Variants in ESRP1 observed in about 807,000 individuals in gnomAD.
The protein encoded by ESRP1 is RNA-binding motif protein 35A.
Under a neutral mutation model 81.7 loss-of-function variants are expected in ESRP1, and 33 were observed. The ratio of observed to expected loss-of-function variants is 0.40; its 90% confidence interval spans 0.31 to 0.54. The LOEUF (loss-of-function observed/expected upper bound fraction) is 0.54. ESRP1 is among the 20% of genes least tolerant of loss of function. The pLI, the probability that ESRP1 is intolerant of heterozygous loss-of-function variation, is 0.41. For missense variants in ESRP1, 672 were observed against 833.1 expected (o/e 0.81, Z 2.38); for synonymous variants, 320 against 303.3 (o/e 1.06, Z -0.57).
intron 12 of ESRP1, among the ~76,000 whole-genome samples, chr8:94,675,087 T>G (rs1263287988): frequency 1.3e-5 from 2 of 152,248 alleles, no homozygotes; most frequent in Non-Finnish European, 2.9e-5. Flanking sequence ...GGATCAGTGC[T>G]TAATTTTAAG....
chr8:94,670,534 T>C (rs1025897648), intron 10 of ESRP1, among the ~76,000 whole-genome samples: 7 of 152,220 alleles, frequency 4.6e-5, no homozygotes, highest in African/African-American at 1.2e-4. Context: ...TTGATTCTTC[T>C]ATATTGTCAA....
intron 1 of ESRP1, 130 bp from the exon 2 acceptor site, chr8:94,641,826 C>G (rs1201937677): frequency 7.1e-6 from 10 of 1,417,892 alleles, no homozygotes; most frequent in Non-Finnish European, 9.4e-6. Flanking sequence ...GATGGCGAGT[C>G]GAGAGCTTTG....
chr8:94,668,254 G>T lies in ESRP1; in HGVS notation c.1233+4G>T. On this transcript the variant is annotated splice_donor_region_variant and intron_variant, in intron 10 of 15. Transcript: ENST00000433389. ...CACAGCAGCTGAAGTTCAGCAGGTT[G>T]GTTTTAAAAACAAGTATGTTGTACC... The T allele has an allele frequency of 6.4e-7, 1 of 1,566,820 alleles. No homozygotes were observed.
At chr8:94,681,063 C>T (rs112841261) in intron 13 of ESRP1, among the ~76,000 whole-genome samples, 2,872 of 151,632 alleles carry the variant, frequency 0.019, 82 homozygotes, top group African/African-American at 0.064. Context: ...CTGTGGCTCA[C>T]GCCTGTAATC....
chr8:94,696,904 C>T lies in ESRP1; in HGVS notation c.2024C>T (p.Pro675Leu), dbSNP rs1306194590. The change falls in exon 15 of 16, where the codon CCC becomes CTC. Residue 675 changes from proline (P) to leucine (L), a missense_variant. By Grantham distance (98) the Pro-to-Leu change is moderately conservative. Coordinates refer to ENST00000433389, the MANE Select transcript of ESRP1 (RefSeq NM_017697.4). ...ACAAATGACCAGGCCAGGACTCTAC[C>T]CAAAGAATGGGTTTGTATTTAAGGG... Reference protein sequence around the residue: ...IHTNDQARTLPKEWVCI With the variant: ...IHTNDQARTLLKEWVCI 2.5e-6 allele frequency: 4 copies of T among 1,593,410 alleles called. No individual in the cohort carries two copies. The highest frequency in any genetic ancestry group is 3.4e-6 in the Non-Finnish European group (4 of 1,169,220).
intron 10 of ESRP1, 70 bp from the exon 11 acceptor site, chr8:94,671,383 C>G (rs962621178): frequency 1.5e-6 from 2 of 1,316,768 alleles, no homozygotes; most frequent in Non-Finnish European, 2.1e-6. Context: ...CCCAGTGATG[C>G]CATTGCTGAT....
Position 94,641,998 on chromosome 8 carries a change from G to A in ESRP1, c.175G>A (p.Glu59Lys). 1 of 1,614,034 alleles carries A rather than the reference G, an allele frequency of 6.2e-7. No individual in the cohort carries two copies. The highest frequency in any genetic ancestry group is 1.1e-5 in the South Asian group (1 of 91,082). ...AGTGCTAGTTAGACCGGATCAGTTGGAACTGACGGAGGACTGCAAAGAAGA... is the reference window on the plus strand; with the variant it reads ...AGTGCTAGTTAGACCGGATCAGTTGAAACTGACGGAGGACTGCAAAGAAGA... ...HEVLVRPDQL[E>K]LTEDCKEETK... Residue 59 changes from glutamate (E) to lysine (K), a missense_variant, in exon 2 of 16, where the codon GAA becomes AAA. Transcript: ENST00000433389.
At chr8:94,651,434 G>C (rs139059489) in intron 4 of ESRP1, among the ~76,000 whole-genome samples, 2 of 152,136 alleles carry the variant, frequency 1.3e-5, no homozygotes, top group East Asian at 3.9e-4. Context: ...TAAAACCCAA[G>C]TTGTAGAGTC....
rs1563548848 is a variant in ESRP1, at chr8:94,695,363, T to TC, written c.1972-1489_1972-1488insC. Among the ~76,000 whole-genome samples the TC allele has an allele frequency of 9.8e-3, 789 of 80,670 alleles. 10 individuals are homozygous for TC. Among genetic ancestry groups the TC allele is most frequent in the African/African-American group, 0.034 (759 of 22,052 alleles). The allele number at this position is 80,670 out of a possible 152,430, so 52.9% of individuals were successfully genotyped here. A position where few individuals can be genotyped will look rare whatever the true frequency, so the allele number is the denominator to read the frequency against. Reference sequence around the variant, plus strand: ...CTTTTTCTTTCTTTTTTTTTTTTTTTTTTTTTTTTGAGACGGAGTCTCACT... The same window carrying TC: ...CTTTTTCTTTCTTTTTTTTTTTTTTTCTTTTTTTTTGAGACGGAGTCTCACT... On this transcript the variant is annotated intron_variant, in intron 14 of 15. Transcript: ENST00000433389.
At chr8:94,674,264 G>A in intron 11 of ESRP1, 44 bp from the exon 12 acceptor site, 1 of 1,579,494 alleles carries the variant, frequency 6.3e-7, no homozygotes, top group Non-Finnish European at 8.6e-7. Context: ...CCTTGTTGAA[G>A]GAGACAGTCT....
At chr8:94,656,998 T>C (rs921953777) in intron 4 of ESRP1, among the ~76,000 whole-genome samples, 27 of 152,236 alleles carry the variant, frequency 1.8e-4, no homozygotes, top group Non-Finnish European at 3.5e-4. Flanking sequence ...CCTCAGCTAA[T>C]GTAAGTGTGG....
chr8:94,647,141 T>C (rs1192100236), intron 4 of ESRP1, among the ~76,000 whole-genome samples: 1 of 152,220 alleles, frequency 6.6e-6, no homozygotes, highest in African/African-American at 2.4e-5. Flanking sequence ...TCACGATTTT[T>C]TTTCCTGATT....
chr8:94,648,960 C>A (rs1817975550), intron 4 of ESRP1, among the ~76,000 whole-genome samples: 1 of 152,172 alleles, frequency 6.6e-6, no homozygotes, highest in South Asian at 2.1e-4. Flanking sequence ...GTGGCTCATG[C>A]CTGTAATCCC....
At chr8:94,661,318 A>G (rs1217810884) in intron 4 of ESRP1, among the ~76,000 whole-genome samples, 2 of 152,214 alleles carry the variant, frequency 1.3e-5, no homozygotes, top group Non-Finnish European at 2.9e-5. Flanking sequence ...CTGGGATTAC[A>G]GGTGTGAGTC....
rs138083954 is a variant in ESRP1, at chr8:94,648,984, G to A, written c.490+2702G>A. ...GCCTGTAATCCCAGCACTTTGGGAG[G>A]CCGAGGCAGGTGGATCACTTGAGTT... On this transcript the variant is annotated intron_variant, in intron 4 of 15. Transcript: ENST00000433389. Among the ~76,000 whole-genome samples, 734 of 152,330 alleles carry A rather than the reference G, an allele frequency of 4.8e-3. 4 individuals carry two copies. Among genetic ancestry groups the A allele is most frequent in the African/African-American group, 0.017 (698 of 41,564 alleles).
At position 94,692,558 on chromosome 8, in the gene ESRP1, T is replaced by C. The variant is rs1563547201; in HGVS notation, c.1821-119T>C. On this transcript the variant is annotated intron_variant, in intron 13 of 15. Transcript: ENST00000433389. The stretch of plus-strand genomic sequence containing the variant: ...TCACCTGTCTTAGGAAAGACAGCTC[T>C]GAGAAGTATAAGAAAGGTTGCCTTG... 5 of 1,066,380 alleles carry C rather than the reference T, an allele frequency of 4.7e-6. No individual in the cohort carries two copies. In the East Asian group the frequency reaches 1.0e-4, roughly 22 times the overall value. 66.1% of individuals were successfully genotyped at this position (1,066,380 alleles called of 1,614,324 possible).
At chr8:94,700,953 A>ATGTGTGTGTG (rs371493650) in intron 15 of ESRP1, among the ~76,000 whole-genome samples, 1 of 137,294 alleles carries the variant, frequency 7.3e-6, no homozygotes, top group Non-Finnish European at 1.6e-5. Flanking sequence ...GTGTGTGTGT[A>ATGTGTGTGTG]TGTGTGTGTG....
intron 4 of ESRP1, 62 bp downstream of exon 4, chr8:94,646,344 A>T: frequency 9.0e-7 from 1 of 1,115,420 alleles, no homozygotes; most frequent in Non-Finnish European, 1.3e-6. Context: ...AGGTAATTCA[A>T]GAAACTTTCA....
intron 3 of ESRP1, among the ~76,000 whole-genome samples, chr8:94,644,045 G>A (rs3808383): frequency 0.11 from 16,670 of 152,134 alleles, 1,133 homozygotes; most frequent in East Asian, 0.19. Context: ...CAAAACAAAA[G>A]GGTCAGCCTC....
Sources: gnomAD v4.1 joint callset for allele counts (sites outside exome capture counted in the v4.1 genomes callset) on GRCh38, gnomAD v4.1.1 for gene constraint, MANE v1.5 for transcripts, NCBI Gene and HGNC (gene_info 2026-07-23, HGNC 2026-07-21) for gene names.